Variants in PIK3C2G observed in about 807,000 individuals in gnomAD.
PIK3C2G encodes phosphatidylinositol-4-phosphate 3-kinase catalytic subunit type 2 gamma.
Under a neutral mutation model 181.1 loss-of-function variants are expected in PIK3C2G, and 168 were observed. The ratio of observed to expected loss-of-function variants is 0.93; its 90% CI spans 0.82 to 1.05. The LOEUF is 1.05. PIK3C2G is among the 50% of genes least tolerant of loss of function. The pLI is 0.00. For missense variants in PIK3C2G, 1,869 were observed against 1,732.8 expected (o/e 1.08, Z -1.40); for synonymous variants, 573 against 592.2 (o/e 0.97, Z 0.47).
At chr12:18,347,709 G>A (rs888185161) in intron 11 of PIK3C2G, among the ~76,000 whole-genome samples, 4 of 152,024 alleles carry the variant, frequency 2.6e-5, no homozygotes, top group African/African-American at 9.7e-5. Flanking sequence ...TACTCTGGAG[G>A]CTGAGGCAGT....
intron 18 of PIK3C2G, among the ~76,000 whole-genome samples, chr12:18,486,969 C>A (rs921207962): frequency 2.0e-5 from 3 of 152,210 alleles, no homozygotes; most frequent in Admixed American, 1.3e-4. Context: ...ACTTGTTTGA[C>A]ATTTCAAAAT....
chr12:18,549,069 C>A (rs558186059), intron 26 of PIK3C2G, among the ~76,000 whole-genome samples: 4 of 151,970 alleles, frequency 2.6e-5, no homozygotes, highest in Admixed American at 1.3e-4. Context: ...ACTTTTAATC[C>A]CACCCATCCC....
rs527666787 is a variant in PIK3C2G, at chr12:18,535,640, A to C, written c.3324-2516A>C. Among the ~76,000 whole-genome samples the C allele has an allele frequency of 5.9e-5, 9 of 152,282 alleles. No homozygotes were observed. In the East Asian group the frequency reaches 1.7e-3, roughly 29 times the overall value. Reference sequence around the variant, plus strand: ...AAAAAGTTTCAGGAAGTTGTAAAAAATTAATACTCTTCTAAAATTATTTCC... The same window carrying C: ...AAAAAGTTTCAGGAAGTTGTAAAAACTTAATACTCTTCTAAAATTATTTCC... On this transcript the variant is annotated intron_variant, in intron 24 of 32. Coordinates refer to ENST00000538779, the MANE Select transcript of PIK3C2G (RefSeq NM_001288772.2).
chr12:18,606,343 C>G (rs768302850), intron 30 of PIK3C2G, among the ~76,000 whole-genome samples: 2 of 152,066 alleles, frequency 1.3e-5, no homozygotes, highest in Non-Finnish European at 2.9e-5. Context: ...ATATAATGTT[C>G]GTTGTGCCTC....
At chr12:18,547,679 C>G (rs1467955429) in intron 26 of PIK3C2G, among the ~76,000 whole-genome samples, 1 of 150,744 alleles carries the variant, frequency 6.6e-6, no homozygotes, top group Non-Finnish European at 1.5e-5. Context: ...AAAACCCTGC[C>G]TTCTTGCTAT....
rs573282420 is a variant in PIK3C2G, at chr12:18,346,677, C to T, written c.1466C>T (p.Ser489Phe). ...IEKVTTELSTSIYQLINVYCN... is the reference protein window; with the variant it reads ...IEKVTTELSTFIYQLINVYCN... ...AAGGTAACAACTGAACTATCCACATCCATCTACCAGCTAATCAATGTCTAC... is the reference window on the plus strand; with the variant it reads ...AAGGTAACAACTGAACTATCCACATTCATCTACCAGCTAATCAATGTCTAC... Residue 489 changes from serine (S) to phenylalanine (F), a missense_variant, in exon 11 of 33, where the codon TCC becomes TTC. Ser to Phe is a radical substitution (Grantham distance 155, BLOSUM62 -2). Coordinates refer to ENST00000538779, the MANE Select transcript of PIK3C2G (RefSeq NM_001288772.2). 609 of 1,613,076 alleles carry T rather than the reference C, an allele frequency of 3.8e-4. 5 individuals carry two copies. The South Asian group carries it at 5.0e-3, about 13-fold the overall frequency.
At chr12:18,660,687 G>A in the PIK3C2G span, among the ~76,000 whole-genome samples, 2 of 151,934 alleles carry the variant, frequency 1.3e-5, no homozygotes, top group Admixed American at 1.3e-4. Flanking sequence ...GCAAATTCTG[G>A]GAAAGGAGAA....
chr12:18,723,363 C>A, the PIK3C2G span: 15 of 1,612,900 alleles, frequency 9.3e-6, no homozygotes, highest in Non-Finnish European at 1.3e-5. Flanking sequence ...TAGCTTTACT[C>A]ATCTCAGCTG....
intron 22 of PIK3C2G, among the ~76,000 whole-genome samples, chr12:18,500,002 C>G (rs1941298695): frequency 6.6e-6 from 1 of 152,254 alleles, no homozygotes. Context: ...TCACAGCCCT[C>G]GCTCGCTCTC....
At chr12:18,384,101 C>T (rs917203162) in intron 14 of PIK3C2G, among the ~76,000 whole-genome samples, 1 of 151,536 alleles carries the variant, frequency 6.6e-6, no homozygotes, top group African/African-American at 2.4e-5. Flanking sequence ...GGATTACAGG[C>T]GTGAGCCACT....
chr12:18,579,436 G>A (rs560367338), intron 29 of PIK3C2G, among the ~76,000 whole-genome samples: 3 of 152,244 alleles, frequency 2.0e-5, no homozygotes, highest in African/African-American at 7.2e-5. Context: ...GGCCAGAATT[G>A]GTTAAGTTAG....
At chr12:18,331,123 C>T (rs1391895087) in intron 8 of PIK3C2G, among the ~76,000 whole-genome samples, 1 of 152,066 alleles carries the variant, frequency 6.6e-6, no homozygotes, top group African/African-American at 2.4e-5. Flanking sequence ...GTCAACATTA[C>T]CTTAATTACC....
intron 1 of PIK3C2G, among the ~76,000 whole-genome samples, chr12:18,269,384 T>C (rs1948648631): frequency 6.6e-6 from 1 of 152,154 alleles, no homozygotes; most frequent in African/African-American, 2.4e-5. Context: ...CAGCAATAGA[T>C]ACATTGGGGT....
At chr12:18,375,620 TAG>T in intron 13 of PIK3C2G, among the ~76,000 whole-genome samples, 1 of 152,346 alleles carries the variant, frequency 6.6e-6, no homozygotes, top group East Asian at 1.9e-4. Context: ...AACCACTTCT[TAG>T]ACATATCTGC....
intron 30 of PIK3C2G, among the ~76,000 whole-genome samples, chr12:18,604,480 A>G (rs911091804): frequency 1.3e-5 from 2 of 152,318 alleles, no homozygotes; most frequent in South Asian, 4.1e-4. Context: ...AGCACTAGAC[A>G]GGTCATCAAG....
chr12:18,681,535 G>C, the PIK3C2G span, among the ~76,000 whole-genome samples: 1 of 151,976 alleles, frequency 6.6e-6, no homozygotes, highest in Non-Finnish European at 1.5e-5. Context: ...TCTGTTAATA[G>C]TTCTTGTGAG....
the PIK3C2G span, among the ~76,000 whole-genome samples, chr12:18,725,632 A>G: frequency 6.6e-6 from 1 of 152,140 alleles, no homozygotes; most frequent in African/African-American, 2.4e-5. Flanking sequence ...TGTATTGTGT[A>G]GCATCCAAGG....
chr12:18,485,564 T>C (rs1422892418), intron 18 of PIK3C2G, among the ~76,000 whole-genome samples: 1 of 152,178 alleles, frequency 6.6e-6, no homozygotes, highest in African/African-American at 2.4e-5. Flanking sequence ...TTTAATGTTG[T>C]CATAACTTAC....
At chr12:18,361,024 C>T (rs1234012851) in intron 11 of PIK3C2G, among the ~76,000 whole-genome samples, 2 of 152,024 alleles carry the variant, frequency 1.3e-5, no homozygotes, top group Non-Finnish European at 2.9e-5. Context: ...ATATATTGGC[C>T]GGCTTGACGG....
Sources: allele counts gnomAD v4.1 joint callset (sites outside exome capture counted in the v4.1 genomes callset), GRCh38; gene constraint gnomAD v4.1.1; transcripts MANE v1.5; gene names NCBI Gene and HGNC (gene_info 2026-07-23, HGNC 2026-07-21).